IL16: variants seen among roughly 807,000 people sequenced by gnomAD.
IL16 encodes the protein pro-interleukin-16.
IL16 carries 67 observed loss-of-function variants against 110.1 expected under a neutral mutation model. The observed-to-expected ratio is 0.61, with a 90% CI of 0.50 to 0.75. The LOEUF (loss-of-function observed/expected upper bound fraction) is 0.75, where lower values mean the gene tolerates loss of function less well. Ranked by LOEUF, IL16 falls within the 30% of genes least tolerant of loss-of-function variation. IL16 has a pLI of 0.00. For missense variants in IL16, 1,545 were observed against 1,655.0 expected (o/e 0.93, Z 1.15); for synonymous variants, 689 against 662.9 (o/e 1.04, Z -0.61).
chr15:81,274,383 C>T (rs1015926531), intron 6 of IL16, among the ~76,000 whole-genome samples: 2 of 152,212 alleles, frequency 1.3e-5, no homozygotes, highest in Non-Finnish European at 2.9e-5. Flanking sequence ...TCTGGGGACT[C>T]GAGCACGCTC....
intron 1 of IL16, among the ~76,000 whole-genome samples, chr15:81,183,512 G>A (rs879414122): frequency 1.3e-5 from 2 of 152,202 alleles, no homozygotes; most frequent in Admixed American, 6.5e-5. Context: ...AGGGCAGAAC[G>A]TTTTAACCCT....
chr15:81,214,833 TTC>T (rs1459930829), intron 1 of IL16, among the ~76,000 whole-genome samples: 1 of 152,224 alleles, frequency 6.6e-6, no homozygotes, highest in African/African-American at 2.4e-5. Flanking sequence ...TAATTCTTTT[TTC>T]TTTCCCTTTA....
At chr15:81,205,075 G>T (rs998574279) in intron 1 of IL16, among the ~76,000 whole-genome samples, 2 of 152,258 alleles carry the variant, frequency 1.3e-5, no homozygotes, top group East Asian at 3.9e-4. Context: ...GGGGGGCCAA[G>T]GTGGGTGGAT....
chr15:81,251,793 A>C (rs1897777933), intron 2 of IL16, among the ~76,000 whole-genome samples: 2 of 152,224 alleles, frequency 1.3e-5, no homozygotes, highest in African/African-American at 4.8e-5. Context: ...CATTTCTATT[A>C]AGTAAATAAA....
intron 1 of IL16, among the ~76,000 whole-genome samples, chr15:81,190,814 C>G (rs189061528): frequency 6.6e-6 from 1 of 152,172 alleles, no homozygotes; most frequent in African/African-American, 2.4e-5. Flanking sequence ...CACAATTACA[C>G]CCCAGACCCA....
chr15:81,308,794 C>T lies in IL16; in HGVS notation c.3995C>T (p.Ser1332Phe), dbSNP rs1443711479. The T allele has an allele frequency of 6.2e-7, 1 of 1,610,646 alleles. No homozygotes were observed. The highest frequency in any genetic ancestry group is 8.5e-7 in the Non-Finnish European group (1 of 1,178,930). Residue 1332 changes from serine to phenylalanine, a missense_variant, in exon 19 of 19, where the codon TCC (serine) becomes TTC (phenylalanine). Physicochemically the swap from Ser to Phe is radical, Grantham distance 155. This residue lies in a region of IL16 where 356 missense variants were observed against 399.3 expected (regional missense o/e 0.89). Transcript: ENST00000683961. ...AAGGAAACCACAGCTGCTGGAGACT[C>T]CTAGGCAGGACATGCTGAAGCCAAA... is the stretch of plus-strand genomic sequence containing the variant. ...QSKETTAAGD[S>F]
At position 81,196,985 on chromosome 15, in the gene IL16, C is replaced by T; in HGVS notation, c.-269C>T. On this transcript the variant is annotated 5_prime_UTR_variant, in exon 1 of 19. Transcript: ENST00000683961. ...ATCTGACTCAAAGGCCGGCCTCCGT[C>T]TGAGAACTGAGCGTCCATTTCTCAA... The T allele has an allele frequency of 7.8e-7, 1 of 1,281,994 alleles. No homozygotes were observed. The highest frequency in any genetic ancestry group is 1.0e-6 in the Non-Finnish European group (1 of 986,864). The allele number at this position is 1,281,994 out of a possible 1,614,324, so 79.4% of individuals were successfully genotyped here. A position where few individuals can be genotyped will look rare whatever the true frequency, so the allele number is the denominator to read the frequency against.
At chr15:81,265,844 G>T (rs539292702) in intron 4 of IL16, 43 bp downstream of exon 4, 6 of 1,570,498 alleles carry the variant, frequency 3.8e-6, no homozygotes, top group Non-Finnish European at 5.2e-6. Flanking sequence ...GTTTCTCCCG[G>T]GGAGAAGGGA....
chr15:81,188,499 A>G, intron 1 of IL16: 1 of 452,480 alleles, frequency 2.2e-6, no homozygotes. Flanking sequence ...TGATGCTCAG[A>G]AAGAGGACTG....
In IL16 at chr15:81,292,950, T is replaced by C. The variant is rs748099934; in HGVS notation, c.1815T>C (p.Phe605=). 1.8e-5 allele frequency: 29 copies of C among 1,614,066 alleles called. No individual in the cohort carries two copies. The highest frequency in any genetic ancestry group is 2.4e-5 in the Non-Finnish European group (28 of 1,180,000). Residue 605 remains phenylalanine, a synonymous_variant, in exon 12 of 19, where the codon TTT becomes TTC. Transcript: ENST00000683961. ...SKPKPPPRKY[F]KSDSDPQKSL... The stretch of plus-strand genomic sequence containing the variant: ...CCAAGCCTCCACCCAGAAAATACTT[T>C]AAAAGTGACAGTGACCCTCAGAAGA...
At chr15:81,286,290 T>C (rs1031756829) in intron 10 of IL16, among the ~76,000 whole-genome samples, 9 of 152,144 alleles carry the variant, frequency 5.9e-5, no homozygotes, top group Non-Finnish European at 1.3e-4. Context: ...CCTATGAGAA[T>C]ACAGGAATAT....
intron 2 of IL16, among the ~76,000 whole-genome samples, chr15:81,236,794 G>A (rs762010929): frequency 1.1e-4 from 16 of 152,056 alleles, no homozygotes; most frequent in East Asian, 1.9e-4. Flanking sequence ...CTGTCTCTAC[G>A]AAATACACAA....
At chr15:81,195,822 C>G (rs1180978874), upstream of IL16, among the ~76,000 whole-genome samples, 2 of 152,170 alleles carry the variant, frequency 1.3e-5, no homozygotes, top group Non-Finnish European at 2.9e-5. Context: ...GTGGGATGCT[C>G]TTTGCGGGGC....
chr15:81,295,535 C>A (rs1467292086), intron 12 of IL16: 2 of 1,282,204 alleles, frequency 1.6e-6, no homozygotes, highest in Non-Finnish European at 2.0e-6. Context: ...AATTAAATTT[C>A]ATCCCCATGT....
intron 13 of IL16, 92 bp downstream of exon 13, chr15:81,297,170 G>C: frequency 7.7e-7 from 1 of 1,291,284 alleles, no homozygotes; most frequent in Non-Finnish European, 1.1e-6. Flanking sequence ...GAGGATCAGA[G>C]TGCTCTGCAT....
chr15:81,290,590 A>C (rs1567039369), intron 11 of IL16, 50 bp downstream of exon 11: 1 of 1,300,746 alleles, frequency 7.7e-7, no homozygotes, highest in East Asian at 2.3e-5. Context: ...CTTCTTAGAA[A>C]GCTTAGGATT....
rs773721025 is a variant in IL16, at chr15:81,292,477, G to T, written c.1421-79G>T. 2.5e-6 allele frequency: 4 copies of T among 1,600,316 alleles called. No homozygotes were observed. In the South Asian group the frequency reaches 4.4e-5, roughly 18 times the overall value. ...GGCCGATGTGCAGTGTGCTGCCCGTGGCAGTCACAGGTGAGGCCAGGGGGT... is the reference window on the plus strand; with the variant it reads ...GGCCGATGTGCAGTGTGCTGCCCGTTGCAGTCACAGGTGAGGCCAGGGGGT... On this transcript the variant is annotated intron_variant, in intron 11 of 18. Transcript: ENST00000683961.
Position 81,273,084 on chromosome 15 carries a change from C to G in IL16, c.676-6C>G. 1 of 1,608,682 alleles carries G rather than the reference C, an allele frequency of 6.2e-7. No individual in the cohort carries two copies. Among genetic ancestry groups the G allele is most frequent in the African/African-American group, 1.3e-5 (1 of 74,852 alleles). ...CCTAAATCAGACCTTCTCTTTTTTT[C>G]CCCAGGGTCTGGGCTTCAGCATCGT... is the stretch of plus-strand genomic sequence containing the variant. On this transcript the variant is annotated splice_region_variant and splice_polypyrimidine_tract_variant and intron_variant, in intron 5 of 18. Transcript: ENST00000683961.
chr15:81,222,391 T>TA (rs550651858), intron 1 of IL16, among the ~76,000 whole-genome samples: 4,725 of 149,092 alleles, frequency 0.032, 271 homozygotes, highest in African/African-American at 0.11. Flanking sequence ...TTTTTTTTTT[T>TA]AAGCAAAAAG....
Sources: allele counts gnomAD v4.1 joint callset (sites outside exome capture counted in the v4.1 genomes callset), GRCh38; gene constraint gnomAD v4.1.1; regional missense constraint gnomAD v4.1.1; transcripts MANE v1.5; gene names NCBI Gene and HGNC (gene_info 2026-07-23, HGNC 2026-07-21).